MED12L: variants seen among roughly 807,000 people sequenced by gnomAD.
MED12L encodes the protein mediator complex subunit 12L.
A neutral mutation model predicts 281.3 loss-of-function variants in MED12L; 60 were observed. The ratio of observed to expected loss-of-function variants is 0.21; its 90% confidence interval spans 0.17 to 0.26. MED12L has a LOEUF of 0.26. Among genes scored for constraint, MED12L ranks in the 10% least tolerant of loss-of-function variants. The pLI is 1.00. For synonymous variants in MED12L, 974 were observed against 987.2 expected, an observed-to-expected ratio of 0.99 and a Z score of 0.25; for missense variants, 2,146 against 2,680.9, an observed-to-expected ratio of 0.80 and a Z score of 4.41.
chr3:151,279,027 T>C (rs1742369707), intron 16 of MED12L, among the ~76,000 whole-genome samples: 2 of 152,238 alleles, frequency 1.3e-5, no homozygotes, highest in Non-Finnish European at 2.9e-5. Context: ...TTAGTTCCTT[T>C]CAGGCTCTGT....
chr3:151,413,919 C>T (rs1717253437), intron 42 of MED12L, among the ~76,000 whole-genome samples: 2 of 151,398 alleles, frequency 1.3e-5, no homozygotes, highest in East Asian at 3.9e-4. Context: ...CTCTGTCACC[C>T]AGGCTGGACA....
chr3:151,416,453 T>C, intron 43 of MED12L, 31 bp downstream of exon 43: 1 of 1,607,916 alleles, frequency 6.2e-7, no homozygotes, highest in Non-Finnish European at 8.5e-7. Context: ...ATCAGACATG[T>C]GGGTTTCTTC....
intron 16 of MED12L, among the ~76,000 whole-genome samples, chr3:151,291,255 A>G (rs1577244969): frequency 1.3e-5 from 2 of 151,060 alleles, no homozygotes; most frequent in Non-Finnish European, 2.9e-5. Context: ...TCTCGTTTGC[A>G]TGTGTGCACA....
At chr3:151,414,580 T>G (rs1460408781) in intron 42 of MED12L, among the ~76,000 whole-genome samples, 1 of 152,150 alleles carries the variant, frequency 6.6e-6, no homozygotes, top group Non-Finnish European at 1.5e-5. Context: ...TCCACAAAAT[T>G]CTGGTTGGTA....
chr3:151,291,761 A>T (rs1413596492), intron 16 of MED12L, among the ~76,000 whole-genome samples: 2 of 151,462 alleles, frequency 1.3e-5, no homozygotes, highest in Non-Finnish European at 3.0e-5. Flanking sequence ...CATGTAAATG[A>T]TTCATTTTTC....
At chr3:151,188,135 G>C (rs571107639) in intron 12 of MED12L, 5 of 326,758 alleles carry the variant, frequency 1.5e-5, no homozygotes, top group East Asian at 1.0e-4. Context: ...GCCCGATCTC[G>C]TCTGATCTCG....
At chr3:151,119,805 G>T (rs1219918833) in intron 3 of MED12L, among the ~76,000 whole-genome samples, 1 of 152,068 alleles carries the variant, frequency 6.6e-6, no homozygotes, top group Non-Finnish European at 1.5e-5. Flanking sequence ...AGGGGAATTT[G>T]ATTTTATAAA....
chr3:151,154,520 A>C lies in MED12L; in HGVS notation c.557-1641A>C, dbSNP rs572534138. Among the ~76,000 whole-genome samples, 4 of 152,252 alleles carry C rather than the reference A, an allele frequency of 2.6e-5. No individual in the cohort carries two copies. In the East Asian group the frequency reaches 7.7e-4, roughly 29 times the overall value. ...TTTCTCCTATATTTTAAAAAATCTT[A>C]AAAAGGAGATATACCCTAGACAAAA... On this transcript the variant is annotated intron_variant, in intron 5 of 44. Transcript: ENST00000687756.
At chr3:151,248,680 C>A (rs1488265047) in intron 16 of MED12L, among the ~76,000 whole-genome samples, 1 of 152,014 alleles carries the variant, frequency 6.6e-6, no homozygotes, top group Non-Finnish European at 1.5e-5. Flanking sequence ...AGGATACTTA[C>A]AAGGAAAATT....
At chr3:151,244,826 G>C (rs1048764238) in intron 16 of MED12L, among the ~76,000 whole-genome samples, 1 of 152,142 alleles carries the variant, frequency 6.6e-6, no homozygotes, top group African/African-American at 2.4e-5. Flanking sequence ...AATGAATCCA[G>C]GAGCTGGTTT....
chr3:151,380,096 T>C lies in MED12L; in HGVS notation c.4479-17T>C. ...TATTTCTAACTAGATCTGTTGTTAT[T>C]ATTACTTCCTTTGTAGTATGTCTCT... On this transcript the variant is annotated splice_polypyrimidine_tract_variant and intron_variant, in intron 31 of 44. Coordinates refer to ENST00000687756, the MANE Select transcript of MED12L (RefSeq NM_001393769.1). The C allele has an allele frequency of 6.8e-7, 1 of 1,461,830 alleles. No individual in the cohort carries two copies. Among genetic ancestry groups the C allele is most frequent in the Non-Finnish European group, 9.4e-7 (1 of 1,063,548 alleles). 90.6% of individuals were successfully genotyped at this position (1,461,830 alleles called of 1,614,324 possible). A position where few individuals can be genotyped will look rare whatever the true frequency, so the allele number is the denominator to read the frequency against.
intron 5 of MED12L, among the ~76,000 whole-genome samples, chr3:151,137,607 A>G (rs972478575): frequency 2.6e-5 from 4 of 152,134 alleles, no homozygotes; most frequent in Admixed American, 1.3e-4. Flanking sequence ...GGGTTTTCCT[A>G]TTTCCAGCTT....
At chr3:151,372,229 A>G (rs1360140474) in intron 26 of MED12L, among the ~76,000 whole-genome samples, 3 of 152,228 alleles carry the variant, frequency 2.0e-5, no homozygotes, top group East Asian at 1.9e-4. Context: ...AGTCAAATGA[A>G]TTTGAATACA....
intron 16 of MED12L, among the ~76,000 whole-genome samples, chr3:151,246,931 C>T (rs1735668689): frequency 6.6e-6 from 1 of 151,990 alleles, no homozygotes; most frequent in South Asian, 2.1e-4. Flanking sequence ...AAGAAAAAAA[C>T]AAACAACCCC....
chr3:151,311,726 T>C (rs939721901), intron 16 of MED12L, among the ~76,000 whole-genome samples: 1 of 152,166 alleles, frequency 6.6e-6, no homozygotes, highest in Non-Finnish European at 1.5e-5. Flanking sequence ...TAAATATATC[T>C]AGTAAACAGT....
At position 151,201,164 on chromosome 3, in the gene MED12L, A is replaced by G. The variant is rs189933632; in HGVS notation, c.2250+7498A>G. 1.6e-4 allele frequency among the ~76,000 whole-genome samples: 25 copies of G among 152,322 alleles called. No individual in the cohort carries two copies. The Middle Eastern group carries it at 0.014, about 83-fold the overall frequency. On this transcript the variant is annotated intron_variant, in intron 16 of 44. Transcript: ENST00000687756. ...TTTAACTTTTTACCAAAATACTAAG[A>G]ATATAAGTTTAGGCTTTTCGTATAT...
intron 16 of MED12L, chr3:151,316,653 T>A (rs2149800972): frequency 6.6e-6 from 1 of 152,326 alleles, no homozygotes; most frequent in Non-Finnish European, 1.5e-5. Flanking sequence ...AGGTTTCTTG[T>A]CTCTAATTAA....
chr3:151,153,508 A>G (rs1297518354), intron 5 of MED12L, among the ~76,000 whole-genome samples: 3 of 146,530 alleles, frequency 2.0e-5, no homozygotes, highest in African/African-American at 5.1e-5. Context: ...ACCCCTGAAC[A>G]TTCCCCGCCC....
chr3:151,270,474 T>G (rs10935832), intron 16 of MED12L, among the ~76,000 whole-genome samples: 41,317 of 151,870 alleles, frequency 0.27, 5,795 homozygotes, highest in Non-Finnish European at 0.31. Flanking sequence ...TCTGCTGGAA[T>G]TTGCATGGTG....
Sources: gnomAD v4.1 joint callset for allele counts (sites outside exome capture counted in the v4.1 genomes callset) on GRCh38, gnomAD v4.1.1 for gene constraint, MANE v1.5 for transcripts, NCBI Gene and HGNC (gene_info 2026-07-23, HGNC 2026-07-21) for gene names.